ARID5B: variants seen among roughly 807,000 people sequenced by gnomAD.
ARID5B encodes AT-rich interaction domain 5B.
ARID5B carries 13 observed loss-of-function variants against 97.2 expected under a neutral mutation model. The ratio of observed to expected loss-of-function variants is 0.13; its 90% CI spans 0.09 to 0.21. The LOEUF (loss-of-function observed/expected upper bound fraction) is 0.21. ARID5B is among the 10% of genes least tolerant of loss of function. The pLI is 1.00. For synonymous variants in ARID5B, 556 were observed against 570.3 expected, an observed-to-expected ratio of 0.97 and a Z score of 0.36; for missense variants, 1,210 against 1,465.3, an observed-to-expected ratio of 0.83 and a Z score of 2.84.
chr10:62,033,552 G>A (rs560918177), intron 4 of ARID5B, among the ~76,000 whole-genome samples: 1 of 152,220 alleles, frequency 6.6e-6, no homozygotes, highest in African/African-American at 2.4e-5. Flanking sequence ...CTTTCTTCCT[G>A]GGCTCTACAA....
chr10:62,012,497 C>A (rs1223615569), intron 4 of ARID5B, among the ~76,000 whole-genome samples: 1 of 152,164 alleles, frequency 6.6e-6, no homozygotes, highest in African/African-American at 2.4e-5. Flanking sequence ...GCACTCCAGC[C>A]TCCCAAGCAA....
At chr10:61,912,987 A>G (rs1843835718) in intron 2 of ARID5B, among the ~76,000 whole-genome samples, 1 of 152,226 alleles carries the variant, frequency 6.6e-6, no homozygotes, top group Admixed American at 6.5e-5. Flanking sequence ...CAGATACAGT[A>G]TCAGAGAATA....
intron 8 of ARID5B, among the ~76,000 whole-genome samples, chr10:62,076,707 G>C (rs1056368365): frequency 6.6e-6 from 1 of 152,102 alleles, no homozygotes; most frequent in Non-Finnish European, 1.5e-5. Context: ...AAAGGTAGGG[G>C]CTGTCAGGAA....
intron 4 of ARID5B, among the ~76,000 whole-genome samples, chr10:62,033,180 C>T (rs895095627): frequency 2.0e-5 from 3 of 152,090 alleles, no homozygotes; most frequent in Admixed American, 6.6e-5. Context: ...CAATGAGCCT[C>T]GGGACTTAAG....
At position 62,091,068 on chromosome 10, in the gene ARID5B, G is replaced by A; in HGVS notation, c.1605G>A (p.Glu535=). The A allele has an allele frequency of 6.2e-7, 1 of 1,613,968 alleles. No homozygotes were observed. Among genetic ancestry groups the A allele is most frequent in the Non-Finnish European group, 8.5e-7 (1 of 1,180,008 alleles). ...NSEKVAEEAG[E]KGPTPPLPSA... ...AGAAGGTGGCAGAGGAGGCGGGAGA[G>A]AAGGGGCCCACACCTCCACTCCCAA... Residue 535 remains glutamate, a synonymous_variant, in exon 10 of 10, where the codon GAG becomes GAA. Coordinates refer to ENST00000279873, the MANE Select transcript of ARID5B (RefSeq NM_032199.3).
chr10:61,901,976 T>TTG (rs1564595633), intron 1 of ARID5B, among the ~76,000 whole-genome samples, 183 bp from the exon 2 acceptor site: 2 of 124,546 alleles, frequency 1.6e-5, no homozygotes, highest in Non-Finnish European at 1.9e-5. Context: ...GCCCTGAGTT[T>TTG]TTTTTTTTTT....
chr10:61,998,773 G>C (rs1375571686), intron 3 of ARID5B, among the ~76,000 whole-genome samples: 2 of 152,194 alleles, frequency 1.3e-5, no homozygotes, highest in East Asian at 3.9e-4. Context: ...CGTTAAAAGA[G>C]AGGAGTATGG....
At position 62,063,717 on chromosome 10, in the gene ARID5B, A is replaced by T. The variant is rs908365985; in HGVS notation, c.1101+4422A>T. ...CTGGCATTTTGATTAATTGACGAGG[A>T]CCCTTCCTTTGCAATGTACCCAACT... is the stretch of plus-strand genomic sequence containing the variant. On this transcript the variant is annotated intron_variant, in intron 7 of 9. Coordinates refer to ENST00000279873, the MANE Select transcript of ARID5B (RefSeq NM_032199.3). 9.9e-5 allele frequency among the ~76,000 whole-genome samples: 15 copies of T among 152,278 alleles called. No individual in the cohort carries two copies. The South Asian group carries it at 3.1e-3, about 32-fold the overall frequency.
intron 4 of ARID5B, among the ~76,000 whole-genome samples, chr10:62,029,899 G>T (rs772763294): frequency 2.6e-5 from 4 of 152,182 alleles, no homozygotes; most frequent in African/African-American, 9.7e-5. Context: ...GGGGTAAGAC[G>T]TACACAGAGC....
At chr10:61,967,473 G>A (rs1308309653) in intron 3 of ARID5B, among the ~76,000 whole-genome samples, 1 of 152,164 alleles carries the variant, frequency 6.6e-6, no homozygotes, top group African/African-American at 2.4e-5. Flanking sequence ...TGAACACAGG[G>A]GAAATATGTG....
At chr10:61,931,014 C>T (rs1416373037) in intron 2 of ARID5B, among the ~76,000 whole-genome samples, 1 of 152,146 alleles carries the variant, frequency 6.6e-6, no homozygotes, top group Non-Finnish European at 1.5e-5. Flanking sequence ...ATCTCAGACC[C>T]TTCACAGTTC....
intron 3 of ARID5B, among the ~76,000 whole-genome samples, chr10:61,955,005 T>TTAAAAAAA (rs1207667949): frequency 7.2e-6 from 1 of 139,154 alleles, no homozygotes; most frequent in Non-Finnish European, 1.6e-5. Flanking sequence ...AAACTCCATC[T>TTAAAAAAA]CAAAAAAAAA....
At chr10:61,921,940 C>G (rs1844022862) in intron 2 of ARID5B, among the ~76,000 whole-genome samples, 1 of 152,176 alleles carries the variant, frequency 6.6e-6, no homozygotes, top group African/African-American at 2.4e-5. Flanking sequence ...CTCCCTGGCT[C>G]AAGCGATCCT....
intron 3 of ARID5B, among the ~76,000 whole-genome samples, chr10:61,981,534 A>G (rs1386637956): frequency 6.6e-6 from 1 of 152,134 alleles, no homozygotes; most frequent in Non-Finnish European, 1.5e-5. Context: ...CACCCGACTC[A>G]GCCTCCCAAA....
intron 2 of ARID5B, among the ~76,000 whole-genome samples, chr10:61,919,272 A>C (rs1843969191): frequency 6.6e-6 from 1 of 152,100 alleles, no homozygotes; most frequent in Non-Finnish European, 1.5e-5. Context: ...TATACCCACT[A>C]TTCCTCCATT....
chr10:62,019,262 A>G (rs1455588137), intron 4 of ARID5B, among the ~76,000 whole-genome samples: 1 of 152,224 alleles, frequency 6.6e-6, no homozygotes, highest in African/African-American at 2.4e-5. Context: ...AATATTTTCC[A>G]ATGACTGTTT....
In ARID5B at chr10:61,915,385, C is replaced by T. The variant is rs146930058; in HGVS notation, c.276+12972C>T. Among the ~76,000 whole-genome samples, 443 of 152,226 alleles carry T rather than the reference C, an allele frequency of 2.9e-3. 2 individuals carry two copies. The highest frequency in any genetic ancestry group is 0.01 in the African/African-American group (426 of 41,528). On this transcript the variant is annotated intron_variant, in intron 2 of 9. Transcript: ENST00000279873. ...GAAGGGCAAATACAAGTGCCTATGT[C>T]AGGGGTACATGATTTTGTCGGAAAG...
chr10:62,007,965 T>C (rs1839166754), intron 4 of ARID5B, among the ~76,000 whole-genome samples: 1 of 152,044 alleles, frequency 6.6e-6, no homozygotes, highest in Non-Finnish European at 1.5e-5. Flanking sequence ...TCATTATCTT[T>C]CTGTAACTCA....
rs1456364961 is a variant in ARID5B at position 62,016,900 on chromosome 10, A to G, written c.733+16579A>G. On this transcript the variant is annotated intron_variant, in intron 4 of 9. Coordinates refer to ENST00000279873, the MANE Select transcript of ARID5B (RefSeq NM_032199.3). ...TGTTCTTAAAATGTGTTATGAGGCT[A>G]TGTACAAAAGGCTTTGTAGTAGTTT... Among the ~76,000 whole-genome samples the G allele has an allele frequency of 4.6e-5, 7 of 152,316 alleles. No individual in the cohort carries two copies. In the East Asian group the frequency reaches 1.2e-3, roughly 25 times the overall value.
Sources: allele counts gnomAD v4.1 joint callset (sites outside exome capture counted in the v4.1 genomes callset), GRCh38; gene constraint gnomAD v4.1.1; transcripts MANE v1.5; gene names NCBI Gene and HGNC (gene_info 2026-07-23, HGNC 2026-07-21).